ELF1: variants seen among roughly 807,000 people sequenced by gnomAD.
ELF1 encodes the protein ETS-related transcription factor Elf-1.
Under a neutral mutation model 59.9 loss-of-function variants are expected in ELF1, and 24 were observed. The observed-to-expected ratio is 0.40, with a 90% CI of 0.29 to 0.56. The LOEUF is 0.56. Among genes scored for constraint, ELF1 ranks in the 20% least tolerant of loss-of-function variants. ELF1 has a pLI of 0.44. For missense variants in ELF1, 627 were observed against 742.2 expected, an observed-to-expected ratio of 0.84 and a Z score of 1.80; for synonymous variants, 248 against 266.2, an observed-to-expected ratio of 0.93 and a Z score of 0.67.
chr13:41,003,639 A>G (rs562413643), intron 1 of ELF1, among the ~76,000 whole-genome samples: 2 of 152,304 alleles, frequency 1.3e-5, no homozygotes, highest in African/African-American at 4.8e-5. Context: ...AAAATAATAC[A>G]GGGAGAAGCA....
intron 1 of ELF1, among the ~76,000 whole-genome samples, chr13:41,040,503 AT>A (rs1317074070): frequency 6.6e-6 from 1 of 151,930 alleles, no homozygotes; most frequent in Non-Finnish European, 1.5e-5. Flanking sequence ...GTGGAAGACA[AT>A]TTTTTCACGG....
chr13:40,976,935 T>C (rs1872947026), intron 2 of ELF1, among the ~76,000 whole-genome samples: 1 of 152,170 alleles, frequency 6.6e-6, no homozygotes. Context: ...TCTTATATTG[T>C]GATGAGATTC....
intron 3 of ELF1, among the ~76,000 whole-genome samples, chr13:40,955,339 CCA>C: frequency 6.9e-6 from 1 of 145,562 alleles, no homozygotes; most frequent in Non-Finnish European, 1.5e-5. Flanking sequence ...GGTTAGCCCC[CCA>C]CCCGGCCAGC....
chr13:40,988,204 A>G (rs1266821994), intron 1 of ELF1, among the ~76,000 whole-genome samples: 1 of 152,226 alleles, frequency 6.6e-6, no homozygotes, highest in Non-Finnish European at 1.5e-5. Flanking sequence ...TCTCAATCTA[A>G]AAGTGTGAAA....
Position 40,933,506 on chromosome 13 carries a change from C to T in ELF1, c.1779G>A (p.Val593=). 1.2e-6 allele frequency: 2 copies of T among 1,614,256 alleles called. No individual in the cohort carries two copies. Among genetic ancestry groups the T allele is most frequent in the Non-Finnish European group, 1.7e-6 (2 of 1,180,046 alleles). Residue 593 remains valine, a synonymous_variant, in exon 9 of 9, where the codon GTG becomes GTA. Coordinates refer to ENST00000239882, the MANE Select transcript of ELF1 (RefSeq NM_172373.4). ...EKTEQQPQPY[V]MVVSSSNGFT... ...ATCCATTGGAACTGGACACTACCAT[C>T]ACATAAGGCTGTGGCTGCTGCTCCG... is the stretch of plus-strand genomic sequence containing the variant.
intron 3 of ELF1, among the ~76,000 whole-genome samples, chr13:40,955,093 G>A (rs9532684): frequency 0.55 from 80,660 of 147,648 alleles, 25,403 homozygotes; most frequent in Non-Finnish European, 0.69. Context: ...GTCTCTGCCC[G>A]GCTGCCCCGT....
At chr13:41,020,065 A>C (rs554015639), upstream of ELF1, among the ~76,000 whole-genome samples, 1 of 152,326 alleles carries the variant, frequency 6.6e-6, no homozygotes, top group Non-Finnish European at 1.5e-5. Flanking sequence ...AGTTTGACTT[A>C]CCTTTCAAGC....
intron 1 of ELF1, chr13:40,993,334 T>A: frequency 3.6e-6 from 5 of 1,403,120 alleles, no homozygotes; most frequent in Non-Finnish European, 5.0e-6. Flanking sequence ...TTTTCACATT[T>A]CAGCTACAAG....
intron 1 of ELF1, among the ~76,000 whole-genome samples, chr13:41,036,940 A>C (rs1593406853): frequency 6.9e-6 from 1 of 143,978 alleles, no homozygotes; most frequent in Admixed American, 7.0e-5. Flanking sequence ...AACATCACAC[A>C]CTGGGGCCTG....
intron 1 of ELF1, among the ~76,000 whole-genome samples, chr13:41,025,448 T>C (rs1566193075): frequency 6.6e-6 from 1 of 152,202 alleles, no homozygotes; most frequent in Non-Finnish European, 1.5e-5. Context: ...TTCTAAACTT[T>C]TTACTTAAGC....
intron 1 of ELF1, among the ~76,000 whole-genome samples, chr13:41,030,195 G>GTTTA (rs1708306175): frequency 6.6e-6 from 1 of 152,018 alleles, no homozygotes; most frequent in South Asian, 2.1e-4. Context: ...AAGGCTAAAA[G>GTTTA]GAATACTCAG....
At chr13:41,015,824 C>T (rs956500735) in intron 1 of ELF1, among the ~76,000 whole-genome samples, 7 of 151,964 alleles carry the variant, frequency 4.6e-5, no homozygotes, top group Non-Finnish European at 1.0e-4. Flanking sequence ...GAATTTGTCA[C>T]GTAAGATGGC....
At chr13:41,044,238 G>A (rs1347884240) in intron 1 of ELF1, among the ~76,000 whole-genome samples, 2 of 152,180 alleles carry the variant, frequency 1.3e-5, no homozygotes, top group Admixed American at 1.3e-4. Flanking sequence ...CATGTCATCT[G>A]CAAAGAGGGC....
At position 40,987,832 on chromosome 13, in the gene ELF1, G is replaced by A. The variant is rs200336131; in HGVS notation, c.-228-5550C>T. On this transcript the variant is annotated intron_variant, in intron 1 of 8. Transcript: ENST00000239882. Reference sequence around the variant, plus strand: ...CAGTAACTCTAGACACCAAGTAACTGAACAGAAAGAACTTTCACAAGATGT... The same window carrying A: ...CAGTAACTCTAGACACCAAGTAACTAAACAGAAAGAACTTTCACAAGATGT... 2.8e-3 allele frequency among the ~76,000 whole-genome samples: 419 copies of A among 152,202 alleles called. 6 individuals carry two copies. The East Asian group carries it at 0.052, about 19-fold the overall frequency.
At chr13:41,037,384 C>T (rs1403406679) in intron 1 of ELF1, among the ~76,000 whole-genome samples, 4 of 152,142 alleles carry the variant, frequency 2.6e-5, no homozygotes, top group Non-Finnish European at 5.9e-5. Flanking sequence ...TTACAACTTG[C>T]CTGTGGCCAC....
chr13:40,961,029 T>G (rs970015392), intron 2 of ELF1, among the ~76,000 whole-genome samples: 1 of 152,232 alleles, frequency 6.6e-6, no homozygotes, highest in Admixed American at 6.5e-5. Flanking sequence ...GCCAGGCACC[T>G]TGCTATTTTC....
Position 41,014,301 on chromosome 13 carries a change from C to A in ELF1, c.-229+4927G>T, listed in dbSNP as rs187126563. On this transcript the variant is annotated intron_variant, in intron 1 of 8. Coordinates refer to ENST00000239882, the MANE Select transcript of ELF1 (RefSeq NM_172373.4). The stretch of plus-strand genomic sequence containing the variant: ...AAAAATTGTTAAACCAATCTTCATA[C>A]AAACTATAGAAGGCAAGAGGGCTCT... Among the ~76,000 whole-genome samples, 7 of 152,190 alleles carry A rather than the reference C, an allele frequency of 4.6e-5. No individual in the cohort carries two copies. The South Asian group carries it at 1.5e-3, about 32-fold the overall frequency.
At chr13:40,969,053 T>C (rs549647088) in intron 2 of ELF1, among the ~76,000 whole-genome samples, 10 of 152,160 alleles carry the variant, frequency 6.6e-5, no homozygotes, top group Non-Finnish European at 1.5e-4. Context: ...AAAGCAGTTT[T>C]AGCAACCAGG....
chr13:40,969,707 T>C (rs915224139), intron 2 of ELF1, among the ~76,000 whole-genome samples: 1 of 152,084 alleles, frequency 6.6e-6, no homozygotes, highest in Admixed American at 6.6e-5. Flanking sequence ...TTTAAATTAG[T>C]TCATTAAATT....
Sources: gnomAD v4.1 joint callset for allele counts (sites outside exome capture counted in the v4.1 genomes callset) on GRCh38, gnomAD v4.1.1 for gene constraint, MANE v1.5 for transcripts, NCBI Gene and HGNC (gene_info 2026-07-23, HGNC 2026-07-21) for gene names.